GREB1: variants seen among roughly 807,000 people sequenced by gnomAD.
GREB1 encodes the protein growth regulating estrogen receptor binding 1, also known as protein GREB1.
Under a neutral mutation model 200.7 loss-of-function variants are expected in GREB1, and 106 were observed. The ratio of observed to expected loss-of-function variants is 0.53; its 90% confidence interval spans 0.45 to 0.62. The LOEUF (loss-of-function observed/expected upper bound fraction) is 0.62, where lower values mean the gene tolerates loss of function less well. Ranked by LOEUF, GREB1 falls within the 20% of genes least tolerant of loss-of-function variation. GREB1 has a pLI of 0.00. For missense variants in GREB1, 2,243 were observed against 2,556.8 expected (o/e 0.88, Z 2.65); for synonymous variants, 1,132 against 1,092.4 (o/e 1.04, Z -0.72).
chr2:11,593,709 T>G (rs889551400), intron 11 of GREB1, among the ~76,000 whole-genome samples: 2 of 152,138 alleles, frequency 1.3e-5, no homozygotes, highest in Non-Finnish European at 2.9e-5. Context: ...GCTCAAGTGA[T>G]CCACCTGCCT....
chr2:11,582,126 G>C (rs1679553130), intron 7 of GREB1, among the ~76,000 whole-genome samples: 1 of 152,204 alleles, frequency 6.6e-6, no homozygotes, highest in South Asian at 2.1e-4. Flanking sequence ...AGGATGCTGG[G>C]GATGCCACGC....
Position 11,642,480 on chromosome 2 carries a change from A to G in GREB1, c.*2026A>G, listed in dbSNP as rs1685870253. 6.6e-6 allele frequency: 1 copy of G among 152,210 alleles called. No individual in the cohort carries two copies. The highest frequency in any genetic ancestry group is 2.4e-5 in the African/African-American group (1 of 41,450). 9.4% of individuals were successfully genotyped at this position (152,210 alleles called of 1,614,324 possible). A position where few individuals can be genotyped will look rare whatever the true frequency, so the allele number is the denominator to read the frequency against. ...TAGACATTTATAAGCACTCTAATGG[A>G]TAACAATCCAAGAATAAATGATTGT... On this transcript the variant is annotated 3_prime_UTR_variant, in exon 33 of 33. Transcript: ENST00000381486.
intron 2 of GREB1, among the ~76,000 whole-genome samples, chr2:11,558,858 A>G (rs1487824875): frequency 1.3e-5 from 2 of 152,064 alleles, no homozygotes; most frequent in African/African-American, 4.8e-5. Flanking sequence ...ATCTGTTAAC[A>G]TTTTATGTAT....
intron 1 of GREB1, among the ~76,000 whole-genome samples, chr2:11,483,252 G>GCGTGTGTGCA (rs1190571617): frequency 6.7e-6 from 1 of 150,304 alleles, no homozygotes; most frequent in Admixed American, 6.6e-5. Context: ...GTATGGGTGT[G>GCGTGTGTGCA]CGTGTGTGCA....
intron 2 of GREB1, among the ~76,000 whole-genome samples, chr2:11,558,763 T>G (rs2147887855): frequency 6.6e-6 from 1 of 152,346 alleles, no homozygotes; most frequent in South Asian, 2.1e-4. Flanking sequence ...TGTCGGGGTT[T>G]CTTATCTCAT....
intron 21 of GREB1, among the ~76,000 whole-genome samples, chr2:11,617,277 G>A (rs1421788672): frequency 1.3e-5 from 2 of 152,226 alleles, no homozygotes; most frequent in African/African-American, 2.4e-5. Context: ...TCCCGCAGAG[G>A]AGGGCAGAGC....
At chr2:11,574,042 C>A (rs984846902) in intron 4 of GREB1, among the ~76,000 whole-genome samples, 1 of 152,232 alleles carries the variant, frequency 6.6e-6, no homozygotes, top group African/African-American at 2.4e-5. Flanking sequence ...TCTTAGGCAG[C>A]AGTTGAGCTG....
intron 2 of GREB1, among the ~76,000 whole-genome samples, chr2:11,559,317 C>T (rs1676749254): frequency 6.6e-6 from 1 of 152,198 alleles, no homozygotes; most frequent in Admixed American, 6.5e-5. Flanking sequence ...GCAGGAATGT[C>T]CCCTCGAGCT....
intron 1 of GREB1, among the ~76,000 whole-genome samples, chr2:11,537,729 T>C (rs1185524535): frequency 6.8e-6 from 1 of 147,564 alleles, no homozygotes; most frequent in Non-Finnish European, 1.5e-5. Context: ...GATATTTATA[T>C]AATATATAAT....
chr2:11,588,391 C>T, intron 9 of GREB1: 2 of 678,766 alleles, frequency 2.9e-6, no homozygotes, highest in Non-Finnish European at 4.2e-6. Context: ...CTGGAAGGTG[C>T]TCTGCCCACA....
chr2:11,577,393 C>G (rs968783282), intron 5 of GREB1, among the ~76,000 whole-genome samples: 3 of 152,204 alleles, frequency 2.0e-5, no homozygotes, highest in Admixed American at 6.5e-5. Context: ...AACAATGCCC[C>G]ACCCAAGCCC....
At chr2:11,635,660 G>C (rs1337062102) in intron 30 of GREB1, among the ~76,000 whole-genome samples, 1 of 152,128 alleles carries the variant, frequency 6.6e-6, no homozygotes, top group East Asian at 1.9e-4. Flanking sequence ...AAGCCTTCCT[G>C]TGTGTTCTCA....
rs1486677273 is a variant in GREB1, at chr2:11,642,382, C to T, written c.*1928C>T. On this transcript the variant is annotated 3_prime_UTR_variant, in exon 33 of 33. Transcript: ENST00000381486. ...GCCTCAGGTGATCTGCCCACCTCAT[C>T]CTCCAAAAGTGCTGGGATTACAGGC... 6.6e-6 allele frequency: 1 copy of T among 152,044 alleles called. No individual in the cohort carries two copies. The highest frequency in any genetic ancestry group is 1.5e-5 in the Non-Finnish European group (1 of 68,018). The allele number at this position is 152,044 out of a possible 1,614,324, so 9.4% of individuals were successfully genotyped here.
At chr2:11,638,568 G>A in intron 31 of GREB1, 103 bp from the exon 32 acceptor site, 2 of 953,924 alleles carry the variant, frequency 2.1e-6, no homozygotes, top group East Asian at 4.9e-5. Flanking sequence ...AAAATCTTGA[G>A]CTGGACCAAG....
chr2:11,537,117 C>G (rs1016992294), intron 1 of GREB1, among the ~76,000 whole-genome samples: 2 of 152,128 alleles, frequency 1.3e-5, no homozygotes, highest in African/African-American at 4.8e-5. Flanking sequence ...CACCCGCCAC[C>G]GCGCCTGGCT....
chr2:11,635,998 C>T (rs1467585582), intron 30 of GREB1, among the ~76,000 whole-genome samples: 1 of 152,210 alleles, frequency 6.6e-6, no homozygotes, highest in Non-Finnish European at 1.5e-5. Flanking sequence ...TGTCTTGATC[C>T]TGCCCTAATG....
intron 10 of GREB1, 54 bp from the exon 11 acceptor site, chr2:11,592,722 T>A: frequency 8.2e-7 from 1 of 1,214,610 alleles, no homozygotes; most frequent in Non-Finnish European, 1.1e-6. Flanking sequence ...CACCCGTGCG[T>A]CCCCGGATGC....
intron 1 of GREB1, among the ~76,000 whole-genome samples, chr2:11,506,228 T>G (rs1364418625): frequency 1.3e-5 from 2 of 152,244 alleles, no homozygotes; most frequent in Non-Finnish European, 2.9e-5. Flanking sequence ...TGTTCTTGGT[T>G]GAGTATAGAT....
intron 4 of GREB1, among the ~76,000 whole-genome samples, chr2:11,570,225 G>T (rs1050717809): frequency 1.3e-5 from 2 of 151,866 alleles, no homozygotes; most frequent in Non-Finnish European, 2.9e-5. Context: ...CCTGGCCAGC[G>T]TGGTGAAACC....
Sources: allele counts gnomAD v4.1 joint callset (sites outside exome capture counted in the v4.1 genomes callset), GRCh38; gene constraint gnomAD v4.1.1; transcripts MANE v1.5; gene names NCBI Gene and HGNC (gene_info 2026-07-23, HGNC 2026-07-21).